Variants in LARS1 observed in about 807,000 individuals in gnomAD.
LARS1 encodes the protein leucyl-tRNA synthetase 1, also known as leucine--tRNA ligase, cytoplasmic.
LARS1 carries 100 observed loss-of-function variants against 162.8 expected under a neutral mutation model. The observed-to-expected ratio is 0.61, with a 90% CI of 0.52 to 0.73. The LOEUF is 0.73. LARS1 is among the 30% of genes least tolerant of loss of function. The pLI, the probability that LARS1 is intolerant of heterozygous loss-of-function variation, is 0.00. For missense variants in LARS1, 1,258 were observed against 1,408.9 expected (o/e 0.89, Z 1.71); for synonymous variants, 457 against 462.8 (o/e 0.99, Z 0.16).
chr5:146,118,814 A>T (rs1751685740), intron 31 of LARS1, among the ~76,000 whole-genome samples: 1 of 152,200 alleles, frequency 6.6e-6, no homozygotes, highest in Admixed American at 6.5e-5. Flanking sequence ...ATGTGAATGT[A>T]TTCAAGCCTC....
chr5:146,121,032 G>GA (rs1751797872), intron 30 of LARS1, among the ~76,000 whole-genome samples: 1 of 152,116 alleles, frequency 6.6e-6, no homozygotes. Flanking sequence ...TGAGTCTTGT[G>GA]AAAGACTTAA....
intron 15 of LARS1, among the ~76,000 whole-genome samples, chr5:146,147,895 GA>G (rs1410301066): frequency 6.6e-6 from 1 of 152,072 alleles, no homozygotes; most frequent in Non-Finnish European, 1.5e-5. Context: ...GATACTGGGA[GA>G]AAAAAGATTA....
At chr5:146,114,456 G>A (rs745311350) in intron 31 of LARS1, 145 bp from the exon 32 acceptor site, 50 of 692,476 alleles carry the variant, frequency 7.2e-5, no homozygotes, top group Non-Finnish European at 1.0e-4. Flanking sequence ...AAGCCACGCT[G>A]GGTGCGGTGG....
At chr5:146,154,688 G>A (rs1753444494) in intron 10 of LARS1, among the ~76,000 whole-genome samples, 1 of 152,022 alleles carries the variant, frequency 6.6e-6, no homozygotes, top group African/African-American at 2.4e-5. Context: ...TGAGGCGGGA[G>A]AATTGCTTGA....
rs1408627547 is a variant in LARS1, at chr5:146,168,251, C to T, written c.309G>A (p.Lys103=). The T allele has an allele frequency of 5.6e-6, 9 of 1,611,106 alleles. No individual in the cohort carries two copies. The highest frequency in any genetic ancestry group is 2.2e-5 in the East Asian group (1 of 44,846). The change falls in exon 5 of 32, where the codon AAG becomes AAA. Residue 103 remains lysine, a synonymous_variant. Coordinates refer to ENST00000394434, the MANE Select transcript of LARS1 (RefSeq NM_020117.11). ...TGMPIKACAD[K]LKREIELYGC... is the part of the protein sequence containing the mutation. ...CATACAGCTCTATTTCTCTTTTCAA[C>T]TTATCAGCACATGCCTACAACGAAT...
Position 146,114,261 on chromosome 5 carries a change from G to C in LARS1, c.3376C>G (p.Arg1126Gly). The C allele has an allele frequency of 5.6e-6, 9 of 1,613,730 alleles. No homozygotes were observed. Among genetic ancestry groups the C allele is most frequent in the Non-Finnish European group, 7.6e-6 (9 of 1,179,946 alleles). ...MRFDDPLLGP[R>G]RVPVLGKEYT... is the part of the protein sequence containing the mutation. The stretch of plus-strand genomic sequence containing the variant: ...TCCTTTCCCAGGACAGGAACTCGTC[G>C]AGGCCCCAACAGTGGATCATCAAAT... Residue 1126 changes from arginine (R) to glycine (G), a missense_variant, in exon 32 of 32, where the codon CGA becomes GGA. Arg to Gly is a moderately radical substitution (Grantham distance 125, BLOSUM62 -2). Coordinates refer to ENST00000394434, the MANE Select transcript of LARS1 (RefSeq NM_020117.11).
intron 20 of LARS1, among the ~76,000 whole-genome samples, chr5:146,142,054 G>C (rs910352523): frequency 6.6e-6 from 1 of 152,086 alleles, no homozygotes; most frequent in Non-Finnish European, 1.5e-5. Context: ...CAGCTACTCG[G>C]GAGGCTGAGG....
At chr5:146,139,837 T>C (rs1752686944) in intron 21 of LARS1, 1 of 138,094 alleles carries the variant, frequency 7.2e-6, no homozygotes, top group Non-Finnish European at 1.3e-5. Flanking sequence ...ATGACGTCAC[T>C]GCACTCCAGT....
Position 146,169,210 on chromosome 5 carries a change from A to G in LARS1, c.295-945T>C, listed in dbSNP as rs571766333. Among the ~76,000 whole-genome samples the G allele has an allele frequency of 3.9e-5, 6 of 152,350 alleles. No homozygotes were observed. The South Asian group carries it at 1.2e-3, about 32-fold the overall frequency. Reference sequence around the variant, plus strand: ...GGATAGGCTTTAAGTCAGAAAACAAACAGAGATGAAGTGATTTACCCAAGG... The same window carrying G: ...GGATAGGCTTTAAGTCAGAAAACAAGCAGAGATGAAGTGATTTACCCAAGG... On this transcript the variant is annotated intron_variant, in intron 4 of 31. Transcript: ENST00000394434.
Position 146,143,492 on chromosome 5 carries a change from A to C in LARS1, c.1797T>G (p.Ile599Met), listed in dbSNP as rs762293311. 1 of 1,613,950 alleles carries C rather than the reference A, an allele frequency of 6.2e-7. No homozygotes were observed. The highest frequency in any genetic ancestry group is 1.3e-5 in the African/African-American group (1 of 74,912). ...GTGCAACTGTGTAAAATGCCATGTAAATAGTGGAGTCAGAAAGTGATTCAA... is the reference window on the plus strand; with the variant it reads ...GTGCAACTGTGTAAAATGCCATGTACATAGTGGAGTCAGAAAGTGATTCAA... Reference protein sequence around the residue: ...WLIESLSDSTIYMAFYTVAHL... With the variant: ...WLIESLSDSTMYMAFYTVAHL... The change falls in exon 19 of 32, where the codon ATT becomes ATG. Residue 599 changes from isoleucine (I) to methionine (M), a missense_variant. Physicochemically the swap from Ile to Met is conservative, Grantham distance 10. Transcript: ENST00000394434.
In LARS1 at chr5:146,128,677, A is replaced by G; in HGVS notation, c.2875T>C (p.Phe959Leu). ...HTTLSVLRKH[F>L]EANNGKLPDN... is the part of the protein sequence containing the mutation. ...AAGTCTACTGAGAGCATCACCTCAA[A>G]GTGTTTACGTAGAACAGACAGGGTG... The change falls in exon 27 of 32, where the codon TTT becomes CTT. Residue 959 changes from phenylalanine (F) to leucine (L), a missense_variant. Transcript: ENST00000394434. 1 of 1,566,452 alleles carries G rather than the reference A, an allele frequency of 6.4e-7. No homozygotes were observed. Among genetic ancestry groups the G allele is most frequent in the Non-Finnish European group, 8.6e-7 (1 of 1,164,362 alleles).
At position 146,151,987 on chromosome 5, in the gene LARS1, T is replaced by C. The variant is rs1753311799; in HGVS notation, c.1300A>G (p.Ile434Val). ...GCAGAAAGATTTCCAAAACCTGGGA[T>C]TTCAATGACTGGCACCTGCAGCAAA... The part of the protein sequence containing the change: ...LPFEPVPVIE[I>V]PGFGNLSAVT... The change falls in exon 14 of 32, where the codon ATC becomes GTC. Residue 434 changes from isoleucine (I) to valine (V), a missense_variant. Ile to Val is a conservative substitution (Grantham distance 29). Coordinates refer to ENST00000394434, the MANE Select transcript of LARS1 (RefSeq NM_020117.11). The C allele has an allele frequency of 6.2e-7, 1 of 1,614,018 alleles. No individual in the cohort carries two copies. Among genetic ancestry groups the C allele is most frequent in the Non-Finnish European group, 8.5e-7 (1 of 1,180,020 alleles).
At chr5:146,137,967 A>AAAAAAATG (rs1752585914) in intron 21 of LARS1, 1 of 156,486 alleles carries the variant, frequency 6.4e-6, no homozygotes, top group African/African-American at 2.4e-5. Context: ...CTAAAAATAC[A>AAAAAAATG]AAAAAATGAG....
chr5:146,120,356 T>TG lies in LARS1; in HGVS notation c.3325+14dup. ...ACAAGCTACTGACAAATGGGAGTTT[T>TG]GGGGAACAACTTACCTTTAATTCCT... is the stretch of plus-strand genomic sequence containing the variant. On this transcript the variant is annotated intron_variant, in intron 31 of 31. Transcript: ENST00000394434. 1 of 1,612,526 alleles carries TG rather than the reference T, an allele frequency of 6.2e-7. No individual in the cohort carries two copies.
At chr5:146,165,715 A>C (rs1342726776) in intron 5 of LARS1, among the ~76,000 whole-genome samples, 2 of 152,208 alleles carry the variant, frequency 1.3e-5, no homozygotes, top group African/African-American at 4.8e-5. Flanking sequence ...TTTGGAAAAC[A>C]GTGTGATTAG....
At position 146,153,806 on chromosome 5, in the gene LARS1, A is replaced by G. The variant is rs1180152722; in HGVS notation, c.1158T>C (p.Thr386=). The G allele has an allele frequency of 6.2e-7, 1 of 1,613,816 alleles. No individual in the cohort carries two copies. The highest frequency in any genetic ancestry group is 1.3e-5 in the African/African-American group (1 of 74,924). Residue 386 remains threonine (T), a synonymous_variant, in exon 12 of 32, where the codon ACT becomes ACC. Transcript: ENST00000394434. ...CGGAAGGAACACTTGTAACCACACC[A>G]GTGCCTTAGAAAACAAAGTGTGGAA... ...PMLTIKEDKG[T]GVVTSVPSDS...
At chr5:146,168,889 T>C (rs1377995900) in intron 4 of LARS1, among the ~76,000 whole-genome samples, 21 of 151,824 alleles carry the variant, frequency 1.4e-4, no homozygotes, top group Admixed American at 1.4e-3. Context: ...TGGATAACAT[T>C]AATAACATTG....
Position 146,131,135 on chromosome 5 carries a change from T to C in LARS1, c.2397-26A>G, listed in dbSNP as rs780557664. The C allele has an allele frequency of 9.4e-6, 12 of 1,282,064 alleles. No homozygotes were observed. In the South Asian group the frequency reaches 1.6e-4, roughly 17 times the overall value. The allele number at this position is 1,282,064 out of a possible 1,614,324, so 79.4% of individuals were successfully genotyped here. ...CTATTGAATACGGGGAAAAAAAGGT[T>C]ATTGAGTTTAAAGGCACTTATACAT... On this transcript the variant is annotated intron_variant, in intron 23 of 31. Coordinates refer to ENST00000394434, the MANE Select transcript of LARS1 (RefSeq NM_020117.11).
At chr5:146,136,744 T>C (rs1442344811) in intron 21 of LARS1, among the ~76,000 whole-genome samples, 1 of 152,004 alleles carries the variant, frequency 6.6e-6, no homozygotes, top group East Asian at 1.9e-4. Context: ...CATCCCAAAG[T>C]GCTGCAATTA....
Sources: allele counts gnomAD v4.1 joint callset (sites outside exome capture counted in the v4.1 genomes callset), GRCh38; gene constraint gnomAD v4.1.1; transcripts MANE v1.5; gene names NCBI Gene and HGNC (gene_info 2026-07-23, HGNC 2026-07-21).